SOBP: variants seen among roughly 807,000 people sequenced by gnomAD.
SOBP encodes sine oculis-binding protein homolog.
Under a neutral mutation model 53.6 loss-of-function variants are expected in SOBP, and 4 were observed. The ratio of observed to expected loss-of-function variants is 0.07; its 90% CI spans 0.04 to 0.17. The LOEUF (loss-of-function observed/expected upper bound fraction) is 0.17, where lower values mean the gene tolerates loss of function less well. Ranked by LOEUF, SOBP falls within the 10% of genes least tolerant of loss-of-function variation. The pLI, the probability that SOBP is intolerant of heterozygous loss-of-function variation, is 1.00. For synonymous variants in SOBP, 584 were observed against 522.6 expected, an observed-to-expected ratio of 1.12 and a Z score of -1.60; for missense variants, 1,088 against 1,204.7, an observed-to-expected ratio of 0.90 and a Z score of 1.43.
intron 5 of SOBP, chr6:107,621,294 T>A (rs1282125035): frequency 6.2e-6 from 1 of 160,592 alleles, no homozygotes; most frequent in Non-Finnish European, 1.3e-5. Context: ...GATTCGCTGA[T>A]GAGGATGGAG....
At chr6:107,606,203 A>G (rs1214457652) in intron 5 of SOBP, among the ~76,000 whole-genome samples, 2 of 150,214 alleles carry the variant, frequency 1.3e-5, no homozygotes, top group East Asian at 3.9e-4. Flanking sequence ...CAGCCTTCCA[A>G]GTAGCTGGGA....
intron 4 of SOBP, among the ~76,000 whole-genome samples, chr6:107,533,905 AGACTGCACTCTG>A (rs1455108486): frequency 3.9e-5 from 6 of 152,208 alleles, no homozygotes; most frequent in African/African-American, 1.4e-4. Context: ...AGTAGAGTGC[AGACTGCACTCTG>A]AGTACATGAA....
At chr6:107,642,374 A>G (rs973434295) in intron 6 of SOBP, among the ~76,000 whole-genome samples, 47 of 152,252 alleles carry the variant, frequency 3.1e-4, no homozygotes, top group African/African-American at 1.1e-3. Context: ...GACTGGAGCA[A>G]AAGAAAATGA....
chr6:107,639,830 T>C (rs1285462376), intron 6 of SOBP, among the ~76,000 whole-genome samples: 1 of 152,200 alleles, frequency 6.6e-6, no homozygotes, highest in Non-Finnish European at 1.5e-5. Flanking sequence ...ATAGACTCTT[T>C]AAGTAAAATA....
chr6:107,637,236 C>G (rs141524294), intron 6 of SOBP, among the ~76,000 whole-genome samples: 4 of 152,302 alleles, frequency 2.6e-5, no homozygotes, highest in Admixed American at 6.5e-5. Flanking sequence ...AAACGTGGAG[C>G]ACAGCACTTG....
At position 107,634,860 on chromosome 6, in the gene SOBP, G is replaced by GT. The variant is rs1770936951; in HGVS notation, c.2016_2017insT (p.His673SerfsTer64). The stretch of plus-strand genomic sequence containing the variant: ...TGCACAACGTGATCCACCGCGCGCT[G>GT]CACGCGCACGTCAAGGCGGAGCGCG... On this transcript the variant is annotated frameshift_variant, in exon 6 of 7. Coordinates refer to ENST00000317357, the MANE Select transcript of SOBP (RefSeq NM_018013.4). LOFTEE classifies it high-confidence loss of function. This position sits in a 1 kb window ranked among gnomAD's most constrained non-coding sequence, Gnocchi z 4.5. 1 of 1,386,794 alleles carries GT rather than the reference G, an allele frequency of 7.2e-7. No individual in the cohort carries two copies. The highest frequency in any genetic ancestry group is 1.5e-5 in the African/African-American group (1 of 66,232). The allele number at this position is 1,386,794 out of a possible 1,614,324, so 85.9% of individuals were successfully genotyped here. A position where few individuals can be genotyped will look rare whatever the true frequency, so the allele number is the denominator to read the frequency against.
intron 3 of SOBP, among the ~76,000 whole-genome samples, chr6:107,509,332 T>G (rs1783092281): frequency 6.7e-6 from 1 of 148,596 alleles, no homozygotes; most frequent in Non-Finnish European, 1.5e-5. Flanking sequence ...AGGTGGAGGT[T>G]GCGGTGAGCC....
rs747038099 is a variant in SOBP at position 107,635,388 on chromosome 6, C to A, written c.2544C>A (p.Pro848=). 1.9e-6 allele frequency: 3 copies of A among 1,613,360 alleles called. No individual in the cohort carries two copies. Among genetic ancestry groups the A allele is most frequent in the Non-Finnish European group, 2.5e-6 (3 of 1,180,032 alleles). Residue 848 remains proline, a synonymous_variant, in exon 6 of 7, where the codon CCC becomes CCA. Coordinates refer to ENST00000317357, the MANE Select transcript of SOBP (RefSeq NM_018013.4). This position sits in a 1 kb window ranked among gnomAD's most constrained non-coding sequence, Gnocchi z 4.5. ...AAMAPCIISS[P]MLSAGPEDLE... Reference sequence around the variant, plus strand: ...TGGCACCGTGCATCATCTCCTCGCCCATGCTCAGCGCCGGGCCTGAGGACC... The same window carrying A: ...TGGCACCGTGCATCATCTCCTCGCCAATGCTCAGCGCCGGGCCTGAGGACC...
intron 1 of SOBP, among the ~76,000 whole-genome samples, chr6:107,499,793 G>C (rs530076251): frequency 6.6e-6 from 1 of 152,312 alleles, no homozygotes; most frequent in South Asian, 2.1e-4. Flanking sequence ...GCTGGGTAAA[G>C]ATTTTGAGGG....
At chr6:107,551,131 T>C (rs1038850999) in intron 4 of SOBP, among the ~76,000 whole-genome samples, 1 of 152,168 alleles carries the variant, frequency 6.6e-6, no homozygotes, top group South Asian at 2.1e-4. Context: ...CCGAGAAAAC[T>C]GTGGCCCTGA....
intron 5 of SOBP, among the ~76,000 whole-genome samples, chr6:107,592,703 G>T (rs1386140107): frequency 1.3e-5 from 2 of 152,194 alleles, no homozygotes; most frequent in African/African-American, 2.4e-5. Flanking sequence ...AATAGTCACT[G>T]CAATAGCCCC....
Position 107,634,323 on chromosome 6 carries a change from G to C in SOBP, c.1479G>C (p.Val493=). The C allele has an allele frequency of 1.3e-6, 2 of 1,583,010 alleles. No homozygotes were observed. Among genetic ancestry groups the C allele is most frequent in the South Asian group, 1.1e-5 (1 of 88,692 alleles). The part of the protein sequence containing the change: ...APLPSLPFPP[V]SMMPNGPMPV... ...TGCCGAGTCTTCCCTTCCCGCCAGT[G>C]AGCATGATGCCAAATGGCCCGATGC... The change falls in exon 6 of 7, where the codon GTG becomes GTC. Residue 493 remains valine (V), a synonymous_variant. Coordinates refer to ENST00000317357, the MANE Select transcript of SOBP (RefSeq NM_018013.4). The surrounding 1 kb of genome is among the most constrained non-coding windows in gnomAD (Gnocchi z 4.5).
chr6:107,546,993 C>G (rs1366808247), intron 4 of SOBP, among the ~76,000 whole-genome samples: 1 of 151,990 alleles, frequency 6.6e-6, no homozygotes, highest in Admixed American at 6.6e-5. Context: ...GTGTACCATC[C>G]CAGGGGTTTA....
At chr6:107,560,426 C>T (rs1784741024) in intron 4 of SOBP, among the ~76,000 whole-genome samples, 1 of 152,134 alleles carries the variant, frequency 6.6e-6, no homozygotes, top group African/African-American at 2.4e-5. Flanking sequence ...CCTTTGTCCA[C>T]CCAATGACGG....
At chr6:107,602,221 A>T (rs1187264220) in intron 5 of SOBP, among the ~76,000 whole-genome samples, 1 of 152,234 alleles carries the variant, frequency 6.6e-6, no homozygotes, top group African/African-American at 2.4e-5. Flanking sequence ...GAAGAAAAAG[A>T]TTTGATCTGC....
chr6:107,593,287 C>G (rs1359491313), intron 5 of SOBP, among the ~76,000 whole-genome samples: 5 of 152,198 alleles, frequency 3.3e-5, no homozygotes, highest in Non-Finnish European at 4.4e-5. Flanking sequence ...AGCTTCTGCT[C>G]TGATATAGGG....
At chr6:107,512,396 C>T (rs1225666176) in intron 3 of SOBP, among the ~76,000 whole-genome samples, 2 of 152,160 alleles carry the variant, frequency 1.3e-5, no homozygotes, top group Non-Finnish European at 2.9e-5. Flanking sequence ...TGTAGTGAGT[C>T]TTCATTAAGA....
At chr6:107,576,105 T>TC (rs1785216292) in intron 4 of SOBP, among the ~76,000 whole-genome samples, 1 of 152,166 alleles carries the variant, frequency 6.6e-6, no homozygotes, top group African/African-American at 2.4e-5. Context: ...TGATAGCACC[T>TC]CCGTTAACAG....
At position 107,549,639 on chromosome 6, in the gene SOBP, T is replaced by A. The variant is rs187714179; in HGVS notation, c.573+16029T>A. ...TCATTTTTTTTTTACATTTCTAATGTAGTCATTTAGTACTTAGTAAGTATC... is the reference window on the plus strand; with the variant it reads ...TCATTTTTTTTTTACATTTCTAATGAAGTCATTTAGTACTTAGTAAGTATC... On this transcript the variant is annotated intron_variant, in intron 4 of 6. Coordinates refer to ENST00000317357, the MANE Select transcript of SOBP (RefSeq NM_018013.4). Among the ~76,000 whole-genome samples the A allele has an allele frequency of 5.2e-3, 794 of 152,198 alleles. 7 individuals are homozygous for A. The highest frequency in any genetic ancestry group is 0.018 in the African/African-American group (751 of 41,522).
Sources: gnomAD v4.1 joint callset for allele counts (sites outside exome capture counted in the v4.1 genomes callset) on GRCh38, gnomAD v4.1.1 for gene constraint, Gnocchi (gnomAD v3.1) non-coding constraint, MANE v1.5 for transcripts, NCBI Gene and HGNC (gene_info 2026-07-23, HGNC 2026-07-21) for gene names.